Variants in ARAP2 observed in about 807,000 individuals in gnomAD.
ARAP2 encodes the protein arf-GAP with Rho-GAP domain, ANK repeat and PH domain-containing protein 2.
ARAP2 carries 148 observed loss-of-function variants against 194.5 expected under a neutral mutation model. The ratio of observed to expected loss-of-function variants is 0.76; its 90% CI spans 0.67 to 0.87. The LOEUF (loss-of-function observed/expected upper bound fraction) is 0.87, where lower values mean the gene tolerates loss of function less well. Ranked by LOEUF, ARAP2 falls within the 40% of genes least tolerant of loss-of-function variation. The pLI is 0.00. For missense variants in ARAP2, 2,128 were observed against 1,989.7 expected, an observed-to-expected ratio of 1.07 and a Z score of -1.32; for synonymous variants, 695 against 683.5, an observed-to-expected ratio of 1.02 and a Z score of -0.26.
Position 36,213,231 on chromosome 4 carries a change from T to C in ARAP2, c.1041+12A>G, listed in dbSNP as rs1361384847. 6.5e-7 allele frequency: 1 copy of C among 1,550,246 alleles called. No homozygotes were observed. Among genetic ancestry groups the C allele is most frequent in the Non-Finnish European group, 8.9e-7 (1 of 1,125,392 alleles). On this transcript the variant is annotated intron_variant, in intron 4 of 32. Coordinates refer to ENST00000303965, the MANE Select transcript of ARAP2 (RefSeq NM_015230.4). ...TTGATTATGGAAAACAATTAAAATG[T>C]ATGGGACTAACCTTGGAATTTTCTA...
At chr4:36,091,046 T>C (rs933897632) in intron 28 of ARAP2, among the ~76,000 whole-genome samples, 2 of 152,128 alleles carry the variant, frequency 1.3e-5, no homozygotes, top group Admixed American at 6.6e-5. Context: ...AGTGTATATA[T>C]AATACACATA....
At chr4:36,123,548 C>T (rs1465552521) in intron 22 of ARAP2, among the ~76,000 whole-genome samples, 1 of 151,672 alleles carries the variant, frequency 6.6e-6, no homozygotes, top group Non-Finnish European at 1.5e-5. Flanking sequence ...TACTTCTCTG[C>T]TCCGAGGTGT....
intron 7 of ARAP2, among the ~76,000 whole-genome samples, chr4:36,189,901 A>G (rs998053028): frequency 2.6e-5 from 4 of 152,324 alleles, no homozygotes; most frequent in Middle Eastern, 3.4e-3. Context: ...CCATTAAAAT[A>G]TCAACTCTTC....
intron 32 of ARAP2, among the ~76,000 whole-genome samples, chr4:36,073,245 T>C (rs1012568972): frequency 6.6e-6 from 1 of 152,112 alleles, no homozygotes; most frequent in African/African-American, 2.4e-5. Context: ...GGGGTCATCT[T>C]GTAGGTCCTT....
At chr4:36,164,694 G>A (rs1463269540) in intron 11 of ARAP2, among the ~76,000 whole-genome samples, 1 of 152,240 alleles carries the variant, frequency 6.6e-6, no homozygotes, top group East Asian at 1.9e-4. Context: ...TGGACCAGTA[G>A]GCATAAAATA....
At chr4:36,143,759 C>T (rs1029463531) in intron 19 of ARAP2, among the ~76,000 whole-genome samples, 4 of 151,744 alleles carry the variant, frequency 2.6e-5, no homozygotes, top group African/African-American at 4.8e-5. Flanking sequence ...TATATTTATC[C>T]TCACATTTCT....
intron 1 of ARAP2, among the ~76,000 whole-genome samples, chr4:36,239,641 C>T (rs1222030835): frequency 6.6e-6 from 1 of 152,184 alleles, no homozygotes; most frequent in Non-Finnish European, 1.5e-5. Context: ...AGTTGTTTAA[C>T]AAGCATAGAG....
chr4:36,045,050 G>A (rs1052598840), intron 5 of ARAP2, among the ~76,000 whole-genome samples: 3 of 152,082 alleles, frequency 2.0e-5, no homozygotes, highest in African/African-American at 7.2e-5. Flanking sequence ...AAGATGTGTT[G>A]GTGAGCGTGT....
chr4:36,214,270 T>A (rs776638241), intron 3 of ARAP2, 152 bp downstream of exon 3: 10 of 452,230 alleles, frequency 2.2e-5, no homozygotes, highest in Non-Finnish European at 3.9e-5. Context: ...CAGTCCATTT[T>A]AAAAGTGTCT....
At chr4:36,092,950 T>C (rs1714123703) in intron 27 of ARAP2, among the ~76,000 whole-genome samples, 1 of 152,008 alleles carries the variant, frequency 6.6e-6, no homozygotes, top group African/African-American at 2.4e-5. Flanking sequence ...ACTGCTAAGG[T>C]AGAACATTTA....
chr4:36,216,201 A>G (rs1228693471), intron 2 of ARAP2, among the ~76,000 whole-genome samples: 1 of 152,146 alleles, frequency 6.6e-6, no homozygotes, highest in Non-Finnish European at 1.5e-5. Flanking sequence ...GGCTGCAGTG[A>G]GTCATGACTG....
At chr4:36,052,139 T>C (rs1722773406) in intron 2 of ARAP2, 1 of 152,192 alleles carries the variant, frequency 6.6e-6, no homozygotes, top group African/African-American at 2.4e-5. Flanking sequence ...TCATTAAACT[T>C]GTAAATAGAA....
At chr4:36,102,136 C>A (rs569933364) in intron 27 of ARAP2, among the ~76,000 whole-genome samples, 1 of 152,074 alleles carries the variant, frequency 6.6e-6, no homozygotes, top group East Asian at 1.9e-4. Context: ...CCACTTTCCA[C>A]ACAATGAGCT....
chr4:36,088,458 T>C (rs897367181), intron 28 of ARAP2, among the ~76,000 whole-genome samples: 8 of 152,066 alleles, frequency 5.3e-5, no homozygotes, highest in Admixed American at 1.3e-4. Flanking sequence ...AAATCTACTA[T>C]TCCTCTATGG....
At chr4:36,183,470 G>A (rs1173792524) in intron 8 of ARAP2, among the ~76,000 whole-genome samples, 4 of 152,086 alleles carry the variant, frequency 2.6e-5, no homozygotes, top group Non-Finnish European at 4.4e-5. Context: ...TCTGAAAATG[G>A]CCTTGGAAAG....
chr4:36,017,571 A>AAAG, intron 6 of ARAP2, among the ~76,000 whole-genome samples: 1 of 147,752 alleles, frequency 6.8e-6, no homozygotes, highest in African/African-American at 2.5e-5. Flanking sequence ...TGGTAAAAAA[A>AAAG]AAAAAAAAAA....
chr4:36,214,238 G>C (rs1403347132), intron 3 of ARAP2, among the ~76,000 whole-genome samples, 184 bp downstream of exon 3: 1 of 152,172 alleles, frequency 6.6e-6, no homozygotes, highest in Non-Finnish European at 1.5e-5. Flanking sequence ...AGGAGTCAGA[G>C]TGTATGTTAT....
chr4:36,161,792 A>AC (rs1734039249), intron 11 of ARAP2, among the ~76,000 whole-genome samples: 1 of 16,192 alleles, frequency 6.2e-5, no homozygotes, highest in Non-Finnish European at 1.0e-4. Flanking sequence ...ATCTGCACTG[A>AC]CAAAAAAAAA....
intron 6 of ARAP2, among the ~76,000 whole-genome samples, chr4:36,206,058 G>C (rs190918622): frequency 6.6e-6 from 1 of 152,314 alleles, no homozygotes; most frequent in East Asian, 1.9e-4. Context: ...CCAACTTTCT[G>C]CAACACCTGC....
Sources: gnomAD v4.1 joint callset for allele counts (sites outside exome capture counted in the v4.1 genomes callset) on GRCh38, gnomAD v4.1.1 for gene constraint, MANE v1.5 for transcripts, NCBI Gene and HGNC (gene_info 2026-07-23, HGNC 2026-07-21) for gene names.